Variants in DIAPH1 observed in about 807,000 individuals in gnomAD.
DIAPH1 encodes protein diaphanous homolog 1.
In DIAPH1, 46 loss-of-function variants were observed where a neutral mutation model predicts 140.7. The observed-to-expected ratio is 0.33, with a 90% CI of 0.26 to 0.42. DIAPH1 has a LOEUF of 0.42. Ranked by LOEUF, DIAPH1 falls within the 10% of genes least tolerant of loss-of-function variation. DIAPH1 has a pLI of 1.00. For synonymous variants in DIAPH1, 565 were observed against 551.6 expected, an observed-to-expected ratio of 1.02 and a Z score of -0.34; for missense variants, 1,310 against 1,558.7, an observed-to-expected ratio of 0.84 and a Z score of 2.69.
rs145873599 is a variant in DIAPH1 at position 141,586,920 on chromosome 5, G to T, written c.300+122C>A. 520 of 1,028,576 alleles carry T rather than the reference G, an allele frequency of 5.1e-4. 1 individual carries two copies. In the African/African-American group the frequency reaches 7.5e-3, roughly 15 times the overall value. 63.7% of individuals were successfully genotyped at this position (1,028,576 alleles called of 1,614,324 possible). A position where few individuals can be genotyped will look rare whatever the true frequency, so the allele number is the denominator to read the frequency against. On this transcript the variant is annotated intron_variant, in intron 3 of 27. Transcript: ENST00000389054. ...GGGATTAAAGGGTTAATATTAAAAA[G>T]TTCCATGTTAAGCCTGGAATTCTTT... is the stretch of plus-strand genomic sequence containing the variant.
Position 141,526,173 on chromosome 5 carries a change from G to A in DIAPH1, c.3439C>T (p.Gln1147Ter), listed in dbSNP as rs747970514. 1 of 1,614,054 alleles carries A rather than the reference G, an allele frequency of 6.2e-7. No homozygotes were observed. Among genetic ancestry groups the A allele is most frequent in the South Asian group, 1.1e-5 (1 of 91,084 alleles). The change falls in exon 26 of 28, where the codon CAA (glutamine) becomes TAA (stop). Residue 1147 changes from glutamine to a stop codon, truncating the protein, a stop_gained and splice_region_variant. Transcript: ENST00000389054. LOFTEE classifies it high-confidence loss of function. ...DLHNFRNMFLQAVKENQKRRE... is the reference protein window; with the variant it reads ...DLHNFRNMFL Reference sequence around the variant, plus strand: ...CGCTTCTGGTTCTCCTTGACTGCTTGCTGGGGCAGGGAAGAGGAGGAAGGA... The same window carrying A: ...CGCTTCTGGTTCTCCTTGACTGCTTACTGGGGCAGGGAAGAGGAGGAAGGA...
intron 1 of DIAPH1, among the ~76,000 whole-genome samples, chr5:141,616,700 T>C (rs2099902744): frequency 6.6e-6 from 1 of 152,224 alleles, no homozygotes; most frequent in Admixed American, 6.5e-5. Context: ...GCAGCACTAC[T>C]TTCCTAGAAA....
intron 18 of DIAPH1, among the ~76,000 whole-genome samples, chr5:141,542,180 T>A (rs996673732): frequency 6.6e-6 from 1 of 152,188 alleles, no homozygotes; most frequent in African/African-American, 2.4e-5. Flanking sequence ...ATGCCTGTAA[T>A]CCCAGCAGTT....
chr5:141,517,836 C>T (rs1007366461), intron 27 of DIAPH1, among the ~76,000 whole-genome samples: 2 of 152,186 alleles, frequency 1.3e-5, no homozygotes, highest in African/African-American at 2.4e-5. Flanking sequence ...AATCAATCCA[C>T]GAGTTTCTGT....
rs200606811 is a variant in DIAPH1 at position 141,573,692 on chromosome 5, G to A, written c.2158C>T (p.Leu720Phe). 9.3e-5 allele frequency: 149 copies of A among 1,602,082 alleles called. No homozygotes were observed. The Middle Eastern group carries it at 1.3e-3, about 14-fold the overall frequency. ...GGAGGGATTCCAGGACCACCAGGAA[G>A]AGGGGGAGGAGGAGGTGGCATTCCT... The part of the protein sequence containing the change: ...EAGMPPPPPP[L>F]PGGPGIPPPP... The change falls in exon 16 of 28, where the codon CTT (leucine) becomes TTT (phenylalanine). Residue 720 changes from leucine to phenylalanine, a missense_variant. By Grantham distance (22) the Leu-to-Phe change is conservative. Transcript: ENST00000389054.
chr5:141,584,483 T>C (rs1232930808), intron 3 of DIAPH1, among the ~76,000 whole-genome samples: 2 of 152,144 alleles, frequency 1.3e-5, no homozygotes, highest in Non-Finnish European at 2.9e-5. Flanking sequence ...TCAATATAAA[T>C]GAAAGATTTA....
chr5:141,575,709 A>G (rs2099895866), intron 14 of DIAPH1, among the ~76,000 whole-genome samples: 1 of 152,176 alleles, frequency 6.6e-6, no homozygotes, highest in Non-Finnish European at 1.5e-5. Context: ...GAGGGGAATC[A>G]GTTCATTTCC....
intron 1 of DIAPH1, among the ~76,000 whole-genome samples, chr5:141,611,081 ACT>A (rs1328695951): frequency 1.3e-5 from 2 of 151,712 alleles, no homozygotes; most frequent in African/African-American, 4.8e-5. Context: ...ACAGAGTGAG[ACT>A]CTGCCTCAAA....
At chr5:141,583,742 C>T (rs186101757) in intron 4 of DIAPH1, 127 bp from the exon 5 acceptor site, 29 of 1,324,444 alleles carry the variant, frequency 2.2e-5, no homozygotes, top group African/African-American at 1.8e-4. Context: ...GGTCTTACTA[C>T]GTTGCCCAGG....
intron 7 of DIAPH1, among the ~76,000 whole-genome samples, chr5:141,581,625 C>A (rs2099896761): frequency 6.6e-6 from 1 of 152,010 alleles, no homozygotes; most frequent in Non-Finnish European, 1.5e-5. Flanking sequence ...TGTGGGCTCA[C>A]TAGGTTGAAT....
chr5:141,603,812 C>A (rs1445861580), intron 1 of DIAPH1, among the ~76,000 whole-genome samples: 1 of 152,118 alleles, frequency 6.6e-6, no homozygotes, highest in Non-Finnish European at 1.5e-5. Flanking sequence ...TATCACTTCT[C>A]TAATAGTTCA....
In DIAPH1 at chr5:141,526,421, C is replaced by T. The variant is rs770668053; in HGVS notation, c.3314G>A (p.Arg1105Gln). The T allele has an allele frequency of 3.2e-5, 51 of 1,613,982 alleles. No individual in the cohort carries two copies. The highest frequency in any genetic ancestry group is 1.6e-4 in the African/African-American group (12 of 74,890). Residue 1105 changes from arginine (R) to glutamine (Q), a missense_variant, in exon 25 of 28, where the codon CGG becomes CAG. Arg to Gln is a conservative substitution (Grantham distance 43, BLOSUM62 1). Around this residue, in one of 3 missense-constraint regions of DIAPH1, gnomAD observed 344 missense variants for 512.2 expected, o/e 0.67. Transcript: ENST00000389054. The part of the protein sequence containing the change: ...KDAQEQYNKL[R>Q]MMHSNMETLY... Reference sequence around the variant, plus strand: ...GGTCTCCATGTTAGAATGCATCATCCGCAGCTTGTTATACTGTTCCTGTGC... The same window carrying T: ...GGTCTCCATGTTAGAATGCATCATCTGCAGCTTGTTATACTGTTCCTGTGC...
intron 18 of DIAPH1, among the ~76,000 whole-genome samples, chr5:141,555,482 C>T (rs2099892421): frequency 6.6e-6 from 1 of 152,128 alleles, no homozygotes; most frequent in Admixed American, 6.5e-5. Flanking sequence ...AGGAATGGTG[C>T]ACTAATTAAT....
intron 8 of DIAPH1, among the ~76,000 whole-genome samples, chr5:141,580,261 A>T (rs557543180): frequency 6.6e-6 from 1 of 152,212 alleles, no homozygotes; most frequent in African/African-American, 2.4e-5. Context: ...GCGGTGGCAG[A>T]TGTCTAGAAT....
chr5:141,538,975 C>T (rs1240626000), intron 18 of DIAPH1, among the ~76,000 whole-genome samples: 1 of 152,014 alleles, frequency 6.6e-6, no homozygotes, highest in East Asian at 1.9e-4. Context: ...TAATACTAGC[C>T]TCATAAAATG....
At chr5:141,527,365 G>A (rs1031109242) in intron 24 of DIAPH1, among the ~76,000 whole-genome samples, 3 of 152,122 alleles carry the variant, frequency 2.0e-5, no homozygotes, top group East Asian at 1.9e-4. Flanking sequence ...GCAGTGAGGC[G>A]TGATGGCACC....
intron 18 of DIAPH1, among the ~76,000 whole-genome samples, chr5:141,569,778 TA>T (rs993577799): frequency 2.0e-5 from 3 of 151,472 alleles, no homozygotes; most frequent in African/African-American, 7.3e-5. Flanking sequence ...AAAATAAAAA[TA>T]AAAAAAATAA....
chr5:141,540,204 C>T lies in DIAPH1; in HGVS notation c.2483-5771G>A, dbSNP rs180999386. ...TGATCTCAGCCCACTGCAACCTCCG[C>T]CTCCTGGGTTCAAGCAATCCTCCTG... On this transcript the variant is annotated intron_variant, in intron 18 of 27. Coordinates refer to ENST00000389054, the MANE Select transcript of DIAPH1 (RefSeq NM_005219.5). Among the ~76,000 whole-genome samples the T allele has an allele frequency of 3.8e-3, 574 of 152,098 alleles. 5 individuals are homozygous for T. Among genetic ancestry groups the T allele is most frequent in the Admixed American group, 0.011 (167 of 15,260 alleles).
At chr5:141,525,939 G>A (rs1320300283) in intron 26 of DIAPH1, 99 bp downstream of exon 26, 3 of 1,586,366 alleles carry the variant, frequency 1.9e-6, no homozygotes. Context: ...TCATTTGCCA[G>A]GAGGTGAGCT....
Sources: gnomAD v4.1 joint callset for allele counts (sites outside exome capture counted in the v4.1 genomes callset) on GRCh38, gnomAD v4.1.1 for gene constraint, gnomAD v4.1.1 regional missense constraint, MANE v1.5 for transcripts, NCBI Gene and HGNC (gene_info 2026-07-23, HGNC 2026-07-21) for gene names.